The following MEGF8 variants were observed in gnomAD, a reference collection of about 807,000 sequenced individuals.
MEGF8 encodes multiple epidermal growth factor-like domains protein 8.
A neutral mutation model predicts 302.9 loss-of-function variants in MEGF8; 156 were observed. The ratio of observed to expected loss-of-function variants is 0.52; its 90% CI spans 0.45 to 0.59. The LOEUF (loss-of-function observed/expected upper bound fraction) is 0.59, where lower values mean the gene tolerates loss of function less well. Ranked by LOEUF, MEGF8 falls within the 20% of genes least tolerant of loss-of-function variation. The pLI, the probability that MEGF8 is intolerant of heterozygous loss-of-function variation, is 0.00. For missense variants in MEGF8, 3,345 were observed against 3,964.5 expected, an observed-to-expected ratio of 0.84 and a Z score of 4.20; for synonymous variants, 1,621 against 1,660.5, an observed-to-expected ratio of 0.98 and a Z score of 0.58.
chr19:42,369,440 T>A lies in MEGF8; in HGVS notation c.6642-91T>A. ...GACAGAGCAGGGATGAGCAACCAGT[T>A]GAGAAGAGGGTGGGGTAGTTGGTTG... On this transcript the variant is annotated intron_variant, in intron 37 of 41. Coordinates refer to ENST00000251268, the MANE Select transcript of MEGF8 (RefSeq NM_001271938.2). This position sits in a 1 kb window ranked among gnomAD's most constrained non-coding sequence, Gnocchi z 5.7. 3.7e-6 allele frequency: 5 copies of A among 1,355,760 alleles called. No individual in the cohort carries two copies. In the South Asian group the frequency reaches 6.6e-5, roughly 18 times the overall value. 84.0% of individuals were successfully genotyped at this position (1,355,760 alleles called of 1,614,324 possible).
At chr19:42,348,565 G>A in intron 13 of MEGF8, 93 bp downstream of exon 13, 3 of 1,222,818 alleles carry the variant, frequency 2.5e-6, no homozygotes, top group East Asian at 2.6e-5. Context: ...GAAGGTTCTG[G>A]GGAAGGGCTG....
Position 42,354,549 on chromosome 19 carries a change from C to T in MEGF8, c.4012-39C>T, listed in dbSNP as rs370238872. 8.2e-6 allele frequency: 13 copies of T among 1,587,840 alleles called. No individual in the cohort carries two copies. Among genetic ancestry groups the T allele is most frequent in the Non-Finnish European group, 1.1e-5 (13 of 1,162,894 alleles). On this transcript the variant is annotated intron_variant, in intron 22 of 41. Coordinates refer to ENST00000251268, the MANE Select transcript of MEGF8 (RefSeq NM_001271938.2). The surrounding 1 kb of genome is among the most constrained non-coding windows in gnomAD (Gnocchi z 4.3). ...CCCAGACCCCAGGTGTCGTTCTCAT[C>T]CTCATTGTCTCCTAATCCTCGATTC...
chr19:42,343,723 G>A, intron 9 of MEGF8, 92 bp downstream of exon 9: 2 of 1,440,496 alleles, frequency 1.4e-6, no homozygotes, highest in Non-Finnish European at 9.2e-7. Flanking sequence ...GGATCCCTGG[G>A]AGAAGGAGTG....
At position 42,326,384 on chromosome 19, in the gene MEGF8, T is replaced by A. The variant is rs2038984012; in HGVS notation, c.141T>A (p.Gly47=). 1.6e-5 allele frequency: 26 copies of A among 1,583,546 alleles called. No individual in the cohort carries two copies. Among genetic ancestry groups the A allele is most frequent in the Non-Finnish European group, 2.1e-5 (25 of 1,167,700 alleles). Residue 47 remains glycine (G), a synonymous_variant, in exon 1 of 42, where the codon GGT becomes GGA. Transcript: ENST00000251268. ...LREAPGFVTD[G]AGNYSVNGNC... ...AGGCGCCAGGCTTCGTGACGGATGG[T>A]GCGGGCAACTACAGCGTCAATGGCA... is the stretch of plus-strand genomic sequence containing the variant.
At chr19:42,335,835 C>G in intron 5 of MEGF8, 96 bp from the exon 6 acceptor site, 1 of 1,195,988 alleles carries the variant, frequency 8.4e-7, no homozygotes, top group Non-Finnish European at 1.1e-6. Flanking sequence ...ATCTCGCCTT[C>G]TCTCCATGTT....
Position 42,344,402 on chromosome 19 carries a change from C to G in MEGF8, c.1789-39C>G. The G allele has an allele frequency of 6.5e-7, 1 of 1,542,742 alleles. No individual in the cohort carries two copies. The highest frequency in any genetic ancestry group is 8.7e-7 in the Non-Finnish European group (1 of 1,150,180). The stretch of plus-strand genomic sequence containing the variant: ...CCTTCCTTCCCAGATCTCTTGAGCT[C>G]CAGTTGACAGTGAGCCCTTTCCCCT... On this transcript the variant is annotated intron_variant, in intron 10 of 41. Transcript: ENST00000251268. The surrounding 1 kb of genome is among the most constrained non-coding windows in gnomAD (Gnocchi z 4.5).
rs1600057322 is a variant in MEGF8 at position 42,356,891 on chromosome 19, C to T, written c.4740C>T (p.Ala1580=). The change falls in exon 27 of 42, where the codon GCC becomes GCT. Residue 1580 remains alanine (A), a synonymous_variant. Transcript: ENST00000251268. This position sits in a 1 kb window ranked among gnomAD's most constrained non-coding sequence, Gnocchi z 5.2. ...CATATGTGCCCGCTGGCCGTGGTGC[C>T]ATGTATCTGCTGGGGGGACTTACCG... is the stretch of plus-strand genomic sequence containing the variant. ...AAAYVPAGRG[A]MYLLGGLTAG... 6.2e-7 allele frequency: 1 copy of T among 1,606,748 alleles called. No homozygotes were observed. The highest frequency in any genetic ancestry group is 8.5e-7 in the Non-Finnish European group (1 of 1,177,020).
rs749651051 is a variant in MEGF8, at chr19:42,356,238, C to T, written c.4503+45C>T. On this transcript the variant is annotated intron_variant, in intron 25 of 41. Transcript: ENST00000251268. The surrounding 1 kb of genome is among the most constrained non-coding windows in gnomAD (Gnocchi z 5.2). Reference sequence around the variant, plus strand: ...TGTCTAGGGATGGTTGCTCCCAGGTCGTTCTCCCACCTCCATTCCTGGGAC... The same window carrying T: ...TGTCTAGGGATGGTTGCTCCCAGGTTGTTCTCCCACCTCCATTCCTGGGAC... The T allele has an allele frequency of 2.2e-5, 33 of 1,515,962 alleles. No individual in the cohort carries two copies. Among genetic ancestry groups the T allele is most frequent in the Admixed American group, 1.3e-4 (6 of 47,796 alleles). 93.9% of individuals were successfully genotyped at this position (1,515,962 alleles called of 1,614,324 possible).
Position 42,351,207 on chromosome 19 carries a change from G to C in MEGF8, c.2737-9G>C, listed in dbSNP as rs933692236. 2.6e-6 allele frequency: 4 copies of C among 1,553,328 alleles called. No homozygotes were observed. In the African/African-American group the frequency reaches 5.5e-5, roughly 21 times the overall value. ...GGGGTTCTGACTCCTCTGCCCAACT[G>C]ACCCCCAGGACCCCTTCTGTGAGTG... On this transcript the variant is annotated splice_polypyrimidine_tract_variant and intron_variant, in intron 15 of 41. Coordinates refer to ENST00000251268, the MANE Select transcript of MEGF8 (RefSeq NM_001271938.2). This position sits in a 1 kb window ranked among gnomAD's most constrained non-coding sequence, Gnocchi z 5.6.
chr19:42,369,009 C>G lies in MEGF8; in HGVS notation c.6641+7C>G, dbSNP rs1429052708. On this transcript the variant is annotated splice_region_variant and intron_variant, in intron 37 of 41. Coordinates refer to ENST00000251268, the MANE Select transcript of MEGF8 (RefSeq NM_001271938.2). This position sits in a 1 kb window ranked among gnomAD's most constrained non-coding sequence, Gnocchi z 5.7. ...CCGGCTATACCATGGACAAGTGAGG[C>G]CGCAGGCGGCGCTGGGGCCAGGCAG... 7 of 1,612,432 alleles carry G rather than the reference C, an allele frequency of 4.3e-6. No individual in the cohort carries two copies. Among genetic ancestry groups the G allele is most frequent in the Non-Finnish European group, 5.9e-6 (7 of 1,179,622 alleles).
chr19:42,356,105 C>G lies in MEGF8; in HGVS notation c.4415C>G (p.Ala1472Gly). 6.3e-7 allele frequency: 1 copy of G among 1,587,368 alleles called. No homozygotes were observed. Among genetic ancestry groups the G allele is most frequent in the Non-Finnish European group, 8.6e-7 (1 of 1,165,066 alleles). ...CAGAGCCTGGGTGTGTGCATCTGTG[C>G]CGAGGGCTTCGGGGGCCCCGACTGC... Reference protein sequence around the residue: ...CNQSLGVCICAEGFGGPDCAT... With the variant: ...CNQSLGVCICGEGFGGPDCAT... Residue 1472 changes from alanine (A) to glycine (G), a missense_variant, in exon 25 of 42, where the codon GCC becomes GGC. Ala to Gly is a moderately conservative substitution (Grantham distance 60). Transcript: ENST00000251268. This position sits in a 1 kb window ranked among gnomAD's most constrained non-coding sequence, Gnocchi z 5.2.
Position 42,356,736 on chromosome 19 carries a change from G to A in MEGF8, c.4623-38G>A. The A allele has an allele frequency of 6.6e-7, 1 of 1,516,814 alleles. No homozygotes were observed. The allele number at this position is 1,516,814 out of a possible 1,614,324, so 94.0% of individuals were successfully genotyped here. ...GGGTCACCTTGAAGGATGCTGGGAT[G>A]ACTGTAATGAGGCTGCTTTTTTGCA... On this transcript the variant is annotated intron_variant, in intron 26 of 41. Coordinates refer to ENST00000251268, the MANE Select transcript of MEGF8 (RefSeq NM_001271938.2). The surrounding 1 kb of genome is among the most constrained non-coding windows in gnomAD (Gnocchi z 5.2).
intron 41 of MEGF8, among the ~76,000 whole-genome samples, chr19:42,372,645 C>CT (rs1379069249): frequency 6.6e-6 from 1 of 151,992 alleles, no homozygotes; most frequent in Non-Finnish European, 1.5e-5. Context: ...AGAATTTCTG[C>CT]TTTTTTATTT....
chr19:42,363,161 C>T lies in MEGF8; in HGVS notation c.6172C>T (p.Pro2058Ser). Reference sequence around the variant, plus strand: ...GGAATCATCACCCCCACTGCCCTGCCCCACCCCTTGTCACCTCCTACCCAA... The same window carrying T: ...GGAATCATCACCCCCACTGCCCTGCTCCACCCCTTGTCACCTCCTACCCAA... ...PVESSPPLPC[P>S]TPCHLLPNCT... The change falls in exon 35 of 42, where the codon CCC (proline) becomes TCC (serine). Residue 2058 changes from proline to serine, a missense_variant. Coordinates refer to ENST00000251268, the MANE Select transcript of MEGF8 (RefSeq NM_001271938.2). The T allele has an allele frequency of 6.2e-7, 1 of 1,612,636 alleles. No homozygotes were observed. The highest frequency in any genetic ancestry group is 8.5e-7 in the Non-Finnish European group (1 of 1,179,372).
At chr19:42,343,859 C>T in intron 9 of MEGF8, 95 bp from the exon 10 acceptor site, 2 of 1,496,862 alleles carry the variant, frequency 1.3e-6, no homozygotes, top group Non-Finnish European at 1.8e-6. Context: ...TCTGGGATAG[C>T]TAAAGCAAGC....
Position 42,368,997 on chromosome 19 carries a change from G to A in MEGF8, c.6636G>A (p.Met2212Ile). 1 of 1,613,390 alleles carries A rather than the reference G, an allele frequency of 6.2e-7. No individual in the cohort carries two copies. The highest frequency in any genetic ancestry group is 8.5e-7 in the Non-Finnish European group (1 of 1,179,832). ...GCAGCTGCAAGACCGGCTATACCAT[G>A]GACAAGTGAGGCCGCAGGCGGCGCT... ...YECSCKTGYT[M>I]DNMTGLCRPV... Residue 2212 changes from methionine to isoleucine, a missense_variant, in exon 37 of 42, where the codon ATG (methionine) becomes ATA (isoleucine). By Grantham distance (10) the Met-to-Ile change is conservative. Coordinates refer to ENST00000251268, the MANE Select transcript of MEGF8 (RefSeq NM_001271938.2). This position sits in a 1 kb window ranked among gnomAD's most constrained non-coding sequence, Gnocchi z 4.9.
Position 42,355,791 on chromosome 19 carries a change from C to T in MEGF8, c.4178C>T (p.Ser1393Phe), listed in dbSNP as rs1464353358. The part of the protein sequence containing the change: ...LLVLHWEANG[S>F]SSWGFNASVG... Reference sequence around the variant, plus strand: ...GTGCTGCACTGGGAGGCCAATGGCTCCTCATCCTGGGGCTTCAATGCTTCG... The same window carrying T: ...GTGCTGCACTGGGAGGCCAATGGCTTCTCATCCTGGGGCTTCAATGCTTCG... The change falls in exon 24 of 42, where the codon TCC becomes TTC. Residue 1393 changes from serine to phenylalanine, a missense_variant. Physicochemically the swap from Ser to Phe is radical, Grantham distance 155. Coordinates refer to ENST00000251268, the MANE Select transcript of MEGF8 (RefSeq NM_001271938.2). 3 of 1,581,534 alleles carry T rather than the reference C, an allele frequency of 1.9e-6. No individual in the cohort carries two copies. The highest frequency in any genetic ancestry group is 2.6e-6 in the Non-Finnish European group (3 of 1,163,132).
intron 35 of MEGF8, among the ~76,000 whole-genome samples, chr19:42,363,970 C>T (rs980161470): frequency 5.3e-5 from 8 of 152,186 alleles, no homozygotes; most frequent in East Asian, 1.9e-4. Flanking sequence ...CTGTGTTTGT[C>T]GGTTAGCTCA....
intron 41 of MEGF8, among the ~76,000 whole-genome samples, chr19:42,373,706 G>GTTTTTTTTTT (rs750576656): frequency 2.0e-5 from 2 of 100,988 alleles, no homozygotes; most frequent in Non-Finnish European, 4.0e-5. Flanking sequence ...GGGCTTTTGG[G>GTTTTTTTTTT]TTTTTTTTTT....
Sources: allele counts gnomAD v4.1 joint callset (sites outside exome capture counted in the v4.1 genomes callset), GRCh38; gene constraint gnomAD v4.1.1; non-coding constraint Gnocchi (gnomAD v3.1); transcripts MANE v1.5; gene names NCBI Gene and HGNC (gene_info 2026-07-23, HGNC 2026-07-21).